Variants in PSD3 observed in about 807,000 individuals in gnomAD.
PSD3 encodes PH and SEC7 domain-containing protein 3.
Under a neutral mutation model 105.5 loss-of-function variants are expected in PSD3, and 49 were observed. The observed-to-expected ratio is 0.46, with a 90% CI of 0.37 to 0.59. PSD3 has a LOEUF of 0.59. Among genes scored for constraint, PSD3 ranks in the 20% least tolerant of loss-of-function variants. The probability of loss-of-function intolerance (pLI) is 0.00; values close to 1 mark genes in which losing one functional copy is unlikely to be tolerated. For synonymous variants in PSD3, 557 were observed against 457.8 expected, an observed-to-expected ratio of 1.22 and a Z score of -2.77; for missense variants, 1,561 against 1,263.8, an observed-to-expected ratio of 1.24 and a Z score of -3.57.
In PSD3 at chr8:19,062,057, T is replaced by C. The variant is rs188186517; in HGVS notation, c.324+22149A>G. On this transcript the variant is annotated intron_variant, in intron 1 of 1. Coordinates refer to the PSD3 transcript ENST00000521475. ...TGAAACTGTGAACTCTTTGAGGCCATTCTTCACTTTCTAGACTTCTCTTAC... is the reference window on the plus strand; with the variant it reads ...TGAAACTGTGAACTCTTTGAGGCCACTCTTCACTTTCTAGACTTCTCTTAC... Among the ~76,000 whole-genome samples the C allele has an allele frequency of 1.1e-4, 16 of 152,310 alleles. No individual in the cohort carries two copies. In the East Asian group the frequency reaches 3.1e-3, roughly 29 times the overall value.
At chr8:18,649,022 G>A (rs1164751124) in intron 10 of PSD3, among the ~76,000 whole-genome samples, 3 of 152,246 alleles carry the variant, frequency 2.0e-5, no homozygotes, top group Admixed American at 1.3e-4. Context: ...GGCAGGGGTG[G>A]AACCCTCTTG....
intron 12 of PSD3, among the ~76,000 whole-genome samples, chr8:18,600,026 C>T (rs1042057633): frequency 6.6e-6 from 1 of 152,152 alleles, no homozygotes; most frequent in African/African-American, 2.4e-5. Context: ...AACACAAACA[C>T]TGCGATAGCT....
chr8:18,966,558 G>A (rs1266606032), intron 1 of PSD3, among the ~76,000 whole-genome samples: 12 of 133,058 alleles, frequency 9.0e-5, no homozygotes, highest in African/African-American at 3.3e-4. Context: ...GCAACAGAGA[G>A]AGACTGTCTT....
chr8:18,912,952 G>A (rs995481234), intron 2 of PSD3, among the ~76,000 whole-genome samples: 1 of 151,788 alleles, frequency 6.6e-6, no homozygotes, highest in Non-Finnish European at 1.5e-5. Context: ...GGCACCCAGG[G>A]GATGTAGAGT....
intron 4 of PSD3, among the ~76,000 whole-genome samples, chr8:18,805,874 T>G (rs1282967444): frequency 1.3e-5 from 2 of 152,236 alleles, no homozygotes; most frequent in African/African-American, 2.4e-5. Flanking sequence ...TCAGCTGTTT[T>G]CCTTAAAGTA....
rs534083804 is a variant in PSD3, at chr8:18,878,444, CAT to C, written c.131-5713_131-5712del. ...TCAAGTCTCTGTCAACCCCCTTTCA[CAT>C]GTTATACCATTGCCTCTACACTGAA... On this transcript the variant is annotated intron_variant, in intron 2 of 15. Transcript: ENST00000327040. Among the ~76,000 whole-genome samples the C allele has an allele frequency of 3.5e-4, 53 of 152,252 alleles. No individual in the cohort carries two copies. The South Asian group carries it at 5.8e-3, about 17-fold the overall frequency.
intron 1 of PSD3, among the ~76,000 whole-genome samples, chr8:19,028,784 T>C (rs576558615): frequency 1.3e-5 from 2 of 152,182 alleles, no homozygotes; most frequent in Non-Finnish European, 2.9e-5. Flanking sequence ...TTTTCTTCTA[T>C]GTTTGCTTCT....
upstream of PSD3, among the ~76,000 whole-genome samples, chr8:19,016,637 G>C (rs1827187312): frequency 6.6e-6 from 1 of 152,160 alleles, no homozygotes; most frequent in Admixed American, 6.5e-5. Flanking sequence ...AAACACTTCA[G>C]TAATATTTGT....
At chr8:18,923,871 C>A (rs1005278765) in intron 2 of PSD3, among the ~76,000 whole-genome samples, 3 of 148,950 alleles carry the variant, frequency 2.0e-5, no homozygotes, top group Non-Finnish European at 4.4e-5. Flanking sequence ...CTCAGCTTTT[C>A]AACAGCTACT....
intron 4 of PSD3, among the ~76,000 whole-genome samples, chr8:18,861,588 G>C (rs2129455493): frequency 6.6e-6 from 1 of 152,168 alleles, no homozygotes; most frequent in East Asian, 1.9e-4. Flanking sequence ...AGGGTTTCTT[G>C]CTCCAGCCAG....
intron 9 of PSD3, among the ~76,000 whole-genome samples, chr8:18,739,802 G>A (rs1804418654): frequency 6.6e-6 from 1 of 152,060 alleles, no homozygotes; most frequent in African/African-American, 2.4e-5. Flanking sequence ...TTTTTGCAGT[G>A]AGAACATTTG....
intron 1 of PSD3, among the ~76,000 whole-genome samples, chr8:18,986,631 C>T (rs1403158524): frequency 1.3e-5 from 2 of 151,654 alleles, no homozygotes; most frequent in Non-Finnish European, 2.9e-5. Flanking sequence ...GCTGTATTTC[C>T]TTATCCGGTC....
At chr8:18,990,822 CG>C (rs1276622248) in intron 1 of PSD3, among the ~76,000 whole-genome samples, 84 of 152,300 alleles carry the variant, frequency 5.5e-4, no homozygotes, top group African/African-American at 1.9e-3. Context: ...ATCACATTCA[CG>C]AACAGATCAA....
At chr8:18,869,413 G>A (rs1021469706) in intron 3 of PSD3, among the ~76,000 whole-genome samples, 5 of 151,880 alleles carry the variant, frequency 3.3e-5, no homozygotes, top group South Asian at 2.1e-4. Flanking sequence ...TCCTGACCTC[G>A]GGTGATCTGC....
chr8:18,961,349 G>A (rs1306425383), intron 1 of PSD3, among the ~76,000 whole-genome samples: 1 of 152,138 alleles, frequency 6.6e-6, no homozygotes, highest in Non-Finnish European at 1.5e-5. Flanking sequence ...TACTAGTCAA[G>A]CTACTTAAGA....
chr8:18,870,786 C>T (rs1817285840), intron 3 of PSD3, among the ~76,000 whole-genome samples: 1 of 152,094 alleles, frequency 6.6e-6, no homozygotes, highest in East Asian at 1.9e-4. Context: ...CTACTTCTGA[C>T]CCCCTGAGAT....
At chr8:18,919,595 G>A (rs544443740) in intron 2 of PSD3, among the ~76,000 whole-genome samples, 2 of 151,996 alleles carry the variant, frequency 1.3e-5, no homozygotes, top group South Asian at 4.2e-4. Flanking sequence ...CAGGACTGGG[G>A]CGGCCAGGAT....
intron 9 of PSD3, among the ~76,000 whole-genome samples, chr8:18,752,565 T>TTACATATATTA (rs1805644033): frequency 1.3e-5 from 1 of 77,474 alleles, no homozygotes; most frequent in Admixed American, 2.2e-4. Context: ...ATTATATATA[T>TTACATATATTA]TATATATATA....
At chr8:18,569,217 TA>T (rs1801988663) in intron 14 of PSD3, among the ~76,000 whole-genome samples, 1 of 133,254 alleles carries the variant, frequency 7.5e-6, no homozygotes. Flanking sequence ...TTTGGGTATA[TA>T]CCCAGTAATG....
Sources: allele counts gnomAD v4.1 joint callset (sites outside exome capture counted in the v4.1 genomes callset), GRCh38; gene constraint gnomAD v4.1.1; transcripts MANE v1.5; gene names NCBI Gene and HGNC (gene_info 2026-07-23, HGNC 2026-07-21).